The following AHNAK variants were observed in gnomAD, a reference collection of about 807,000 sequenced individuals.
AHNAK encodes neuroblast differentiation-associated protein AHNAK.
In AHNAK, 23 loss-of-function variants were observed where a neutral mutation model predicts 37.8. That is an observed-to-expected ratio of 0.61 (90% CI 0.44 to 0.86). AHNAK has a LOEUF of 0.86. Ranked by LOEUF, AHNAK falls within the 40% of genes least tolerant of loss-of-function variation. The probability of loss-of-function intolerance (pLI) is 0.00; values close to 1 mark genes in which losing one functional copy is unlikely to be tolerated. For synonymous variants in AHNAK, 2,481 were observed against 2,636.3 expected (o/e 0.94, Z 1.80); for missense variants, 7,411 against 7,319.4 (o/e 1.01, Z -0.46).
chr11:62,465,629 T>A (rs1938896023), intron 5 of AHNAK, among the ~76,000 whole-genome samples: 1 of 151,580 alleles, frequency 6.6e-6, no homozygotes, highest in Admixed American at 6.6e-5. Flanking sequence ...AATAAATAAA[T>A]AAATAAAAAT....
chr11:62,503,855 C>A (rs1336758009), intron 4 of AHNAK, among the ~76,000 whole-genome samples: 1 of 152,082 alleles, frequency 6.6e-6, no homozygotes, highest in Non-Finnish European at 1.5e-5. Context: ...TAAAAAATAA[C>A]TTCTTTTAAA....
chr11:62,517,937 T>A lies in AHNAK; in HGVS notation c.16480A>T (p.Met5494Leu), dbSNP rs139212757. 1 of 1,614,198 alleles carries A rather than the reference T, an allele frequency of 6.2e-7. No individual in the cohort carries two copies. The highest frequency in any genetic ancestry group is 8.5e-7 in the Non-Finnish European group (1 of 1,180,030). Reference protein sequence around the residue: ...GVQGLEGNLQMPGIKSSGCDV... With the variant: ...GVQGLEGNLQLPGIKSSGCDV... ...CATCCAGAGGACTTAATTCCAGGCATCTGGAGGTTTCCTTCTAGGCCTTGA... is the reference window on the plus strand; with the variant it reads ...CATCCAGAGGACTTAATTCCAGGCAACTGGAGGTTTCCTTCTAGGCCTTGA... The change falls in exon 5 of 5, where the codon ATG becomes TTG. Residue 5494 changes from methionine to leucine, a missense_variant. Transcript: ENST00000378024.
At chr11:62,448,373 G>A (rs1384426028) in intron 5 of AHNAK, among the ~76,000 whole-genome samples, 5 of 152,156 alleles carry the variant, frequency 3.3e-5, no homozygotes, top group African/African-American at 9.7e-5. Context: ...TGGACCATGC[G>A]GACTCACAGC....
At chr11:62,538,697 G>A (rs558980576) in intron 1 of AHNAK, among the ~76,000 whole-genome samples, 1 of 152,330 alleles carries the variant, frequency 6.6e-6, no homozygotes, top group Non-Finnish European at 1.5e-5. Flanking sequence ...CATCACTCAC[G>A]CACCCATGTG....
rs1285667960 is a variant in AHNAK at position 62,501,200 on chromosome 11, C to CA, written c.343-9370dup. ...CTGGGGGTCAGAGTGAGACCCCATC[C>CA]AAAAAAAAAAAACAATTTTATCCCT... On this transcript the variant is annotated intron_variant, in intron 4 of 5. Coordinates refer to the AHNAK transcript ENST00000257247. 2.5e-3 allele frequency among the ~76,000 whole-genome samples: 329 copies of CA among 129,102 alleles called. 1 individual carries two copies. Among genetic ancestry groups the CA allele is most frequent in the Admixed American group, 5.2e-3 (66 of 12,784 alleles). The allele number at this position is 129,102 out of a possible 152,430, so 84.7% of individuals were successfully genotyped here. A position where few individuals can be genotyped will look rare whatever the true frequency, so the allele number is the denominator to read the frequency against.
rs567285040 is a variant in AHNAK at position 62,527,362 on chromosome 11, T to C, written c.7055A>G (p.Lys2352Arg). The C allele has an allele frequency of 9.9e-6, 16 of 1,614,142 alleles. No individual in the cohort carries two copies. In the Admixed American group the frequency reaches 1.0e-4, roughly 10 times the overall value. Residue 2352 changes from lysine to arginine, a missense_variant, in exon 5 of 5, where the codon AAA (lysine) becomes AGA (arginine). Physicochemically the swap from Lys to Arg is conservative, Grantham distance 26. Transcript: ENST00000378024. Reference sequence around the variant, plus strand: ...TACTTCTGGCATGTCAGCATCTAATTTGGGACCTTTGACATCCAATTCTGG... The same window carrying C: ...TACTTCTGGCATGTCAGCATCTAATCTGGGACCTTTGACATCCAATTCTGG... ...KGPELDVKGPKLDADMPEVAV... is the reference protein window; with the variant it reads ...KGPELDVKGPRLDADMPEVAV...
chr11:62,531,119 C>A lies in AHNAK; in HGVS notation c.3298G>T (p.Asp1100Tyr). ...ACCTTGGGACCTCTGATGTCCACAT[C>A]TGGAACCTGCATTTCACCCTCTATC... The part of the protein sequence containing the change: ...PKIEGEMQVP[D>Y]VDIRGPKVDI... The change falls in exon 5 of 5, where the codon GAT becomes TAT. Residue 1100 changes from aspartate (D) to tyrosine (Y), a missense_variant. Coordinates refer to ENST00000378024, the MANE Select transcript of AHNAK (RefSeq NM_001620.3). 1.2e-6 allele frequency: 2 copies of A among 1,614,200 alleles called. No homozygotes were observed. The highest frequency in any genetic ancestry group is 1.7e-6 in the Non-Finnish European group (2 of 1,180,042).
At chr11:62,444,191 A>C (rs148172039) in intron 5 of AHNAK, among the ~76,000 whole-genome samples, 73 of 152,298 alleles carry the variant, frequency 4.8e-4, no homozygotes, top group African/African-American at 1.7e-3. Flanking sequence ...TTTGGCAGAT[A>C]GGGAAATTTT....
downstream of AHNAK, among the ~76,000 whole-genome samples, chr11:62,515,669 G>A (rs769583089): frequency 1.3e-5 from 2 of 152,266 alleles, no homozygotes; most frequent in African/African-American, 4.8e-5. Context: ...AAGTAGGTGA[G>A]TGGGTCCCGA....
intron 5 of AHNAK, among the ~76,000 whole-genome samples, chr11:62,435,495 C>T (rs1404289663): frequency 6.6e-6 from 1 of 152,008 alleles, no homozygotes; most frequent in Non-Finnish European, 1.5e-5. Flanking sequence ...ACTGCAGGCT[C>T]CGCCCCCCGG....
intron 4 of AHNAK, among the ~76,000 whole-genome samples, chr11:62,496,191 T>C (rs1482655997): frequency 6.6e-6 from 1 of 152,042 alleles, no homozygotes; most frequent in Non-Finnish European, 1.5e-5. Flanking sequence ...AACAATCAAA[T>C]CATTAAGTAA....
chr11:62,526,439 C>A lies in AHNAK; in HGVS notation c.7978G>T (p.Val2660Leu), dbSNP rs1940489132. Residue 2660 changes from valine to leucine, a missense_variant, in exon 5 of 5, where the codon GTG (valine) becomes TTG (leucine). Physicochemically the swap from Val to Leu is conservative, Grantham distance 32 (BLOSUM62 1). Transcript: ENST00000378024. Reference protein sequence around the residue: ...GFKGEGPDGDVKLPKADIDVS... With the variant: ...GFKGEGPDGDLKLPKADIDVS... ...TCAATGTCAGCCTTGGGCAGCTTCA[C>A]ATCCCCATCTGGGCCCTCTCCTTTG... The A allele has an allele frequency of 6.2e-7, 1 of 1,612,348 alleles. No individual in the cohort carries two copies. Among genetic ancestry groups the A allele is most frequent in the East Asian group, 2.2e-5 (1 of 44,776 alleles).
chr11:62,512,164 T>C (rs183395448), downstream of AHNAK, among the ~76,000 whole-genome samples: 1 of 152,266 alleles, frequency 6.6e-6, no homozygotes, highest in East Asian at 1.9e-4. The surrounding 1 kb of genome is among the most constrained non-coding windows in gnomAD (Gnocchi z 4.0). Flanking sequence ...GGTTATTCTC[T>C]ATCTGTTCCC....
At chr11:62,485,179 G>T (rs766455730) in intron 5 of AHNAK, among the ~76,000 whole-genome samples, 2 of 152,120 alleles carry the variant, frequency 1.3e-5, no homozygotes, top group Non-Finnish European at 2.9e-5. Flanking sequence ...CGGGAGGATC[G>T]TTTGAGCCTA....
intron 5 of AHNAK, among the ~76,000 whole-genome samples, chr11:62,477,734 G>A (rs143097235): frequency 0.039 from 5,967 of 151,960 alleles, 398 homozygotes; most frequent in African/African-American, 0.13. Flanking sequence ...CCCGGGAGGC[G>A]GAGGTTGCAG....
rs138735425 is a variant in AHNAK at position 62,522,974 on chromosome 11, G to T, written c.11443C>A (p.Pro3815Thr). ...TCTGGGCCCTCTCCTTTGAAGCCAG[G>T]CATGCTGAACTTGGGCATTTTCACC... ...PKVKMPKFSM[P>T]GFKGEGPDVD... Residue 3815 changes from proline (P) to threonine (T), a missense_variant, in exon 5 of 5, where the codon CCT (proline) becomes ACT (threonine). Pro to Thr is a conservative substitution (Grantham distance 38). Coordinates refer to ENST00000378024, the MANE Select transcript of AHNAK (RefSeq NM_001620.3). 14 of 1,613,542 alleles carry T rather than the reference G, an allele frequency of 8.7e-6. No homozygotes were observed. Among genetic ancestry groups the T allele is most frequent in the Non-Finnish European group, 1.2e-5 (14 of 1,179,950 alleles).
At position 62,532,219 on chromosome 11, in the gene AHNAK, A is replaced by C. The variant is rs1565244990; in HGVS notation, c.2198T>G (p.Ile733Ser). 3 of 1,614,008 alleles carry C rather than the reference A, an allele frequency of 1.9e-6. No individual in the cohort carries two copies. In the East Asian group the frequency reaches 6.7e-5, roughly 36 times the overall value. Reference sequence around the variant, plus strand: ...ATGAACATCCACATCTGGGGCATCAATGTCCACTTTTGGGCCTTTGAGTTC... The same window carrying C: ...ATGAACATCCACATCTGGGGCATCACTGTCCACTTTTGGGCCTTTGAGTTC... ...EGELKGPKVD[I>S]DAPDVDVHGP... is the part of the protein sequence containing the mutation. The change falls in exon 5 of 5, where the codon ATT (isoleucine) becomes AGT (serine). Residue 733 changes from isoleucine (I) to serine (S), a missense_variant. By Grantham distance (142) the Ile-to-Ser change is moderately radical. Coordinates refer to ENST00000378024, the MANE Select transcript of AHNAK (RefSeq NM_001620.3).
At chr11:62,494,629 G>A (rs945384036) in intron 4 of AHNAK, among the ~76,000 whole-genome samples, 21 of 152,030 alleles carry the variant, frequency 1.4e-4, no homozygotes, top group Admixed American at 2.0e-4. Flanking sequence ...CACTTCGAGA[G>A]GCCAAGGTAG....
intron 5 of AHNAK, among the ~76,000 whole-genome samples, chr11:62,438,953 G>A: frequency 6.6e-6 from 1 of 152,094 alleles, no homozygotes. Flanking sequence ...TAAGGTTGCT[G>A]TGTAGCATCA....
Sources: allele counts gnomAD v4.1 joint callset (sites outside exome capture counted in the v4.1 genomes callset), GRCh38; gene constraint gnomAD v4.1.1; non-coding constraint Gnocchi (gnomAD v3.1); transcripts MANE v1.5; gene names NCBI Gene and HGNC (gene_info 2026-07-23, HGNC 2026-07-21).